The following EYA4 variants were observed in gnomAD, a reference collection of about 807,000 sequenced individuals.
EYA4 encodes protein phosphatase EYA4.
A neutral mutation model predicts 87.9 loss-of-function variants in EYA4; 31 were observed. The observed-to-expected ratio is 0.35, with a 90% CI of 0.27 to 0.48. EYA4 has a LOEUF of 0.48. EYA4 is among the 20% of genes least tolerant of loss of function. EYA4 has a pLI of 0.99. For missense variants in EYA4, 678 were observed against 761.4 expected (o/e 0.89, Z 1.29); for synonymous variants, 263 against 270.6 (o/e 0.97, Z 0.28).
intron 1 of EYA4, among the ~76,000 whole-genome samples, chr6:133,262,537 T>G (rs989018167): frequency 1.3e-5 from 2 of 152,228 alleles, no homozygotes; most frequent in African/African-American, 2.4e-5. Flanking sequence ...TTCTAGGCTA[T>G]CTAGGCAACC....
chr6:133,346,166 T>TTAG (rs574826928), intron 2 of EYA4, among the ~76,000 whole-genome samples: 16 of 152,198 alleles, frequency 1.1e-4, no homozygotes, highest in Non-Finnish European at 1.9e-4. Context: ...GGTTTATACG[T>TTAG]TAGTCTTTTT....
intron 3 of EYA4, among the ~76,000 whole-genome samples, chr6:133,424,509 AC>A (rs79163156): frequency 0.06 from 8,646 of 143,564 alleles, 696 homozygotes; most frequent in African/African-American, 0.19. Flanking sequence ...GGGAGCAAAC[AC>A]CCCCCCCCCA....
At chr6:133,278,500 T>C (rs1031265222) in intron 2 of EYA4, among the ~76,000 whole-genome samples, 3 of 152,222 alleles carry the variant, frequency 2.0e-5, no homozygotes, top group Non-Finnish European at 4.4e-5. Flanking sequence ...TTCTTGCCAG[T>C]GTTCAGTAAA....
chr6:133,356,358 T>C (rs571343769), intron 2 of EYA4, among the ~76,000 whole-genome samples: 5 of 152,202 alleles, frequency 3.3e-5, no homozygotes, highest in Non-Finnish European at 7.3e-5. Flanking sequence ...GAGTAACCCA[T>C]GTGCATTATT....
At chr6:133,395,505 A>G (rs1209102936) in intron 3 of EYA4, among the ~76,000 whole-genome samples, 1 of 152,190 alleles carries the variant, frequency 6.6e-6, no homozygotes, top group Non-Finnish European at 1.5e-5. Context: ...CCCGCCTGTA[A>G]TCCCAGCACT....
At chr6:133,456,435 A>G (rs962568789) in intron 5 of EYA4, 121 bp from the exon 6 acceptor site, 4 of 777,848 alleles carry the variant, frequency 5.1e-6, no homozygotes, top group Middle Eastern at 2.4e-4. Flanking sequence ...AACTCTCTTC[A>G]TCAACTTCTC....
At chr6:133,268,832 G>A (rs1776444251) in intron 1 of EYA4, among the ~76,000 whole-genome samples, 1 of 152,058 alleles carries the variant, frequency 6.6e-6, no homozygotes, top group East Asian at 1.9e-4. Flanking sequence ...GAGGAAGGTG[G>A]GCGTGTGAGC....
chr6:133,285,765 T>C (rs1778007799), intron 2 of EYA4, among the ~76,000 whole-genome samples: 1 of 152,194 alleles, frequency 6.6e-6, no homozygotes, highest in Non-Finnish European at 1.5e-5. Flanking sequence ...TTGGGGTTAA[T>C]CTAAGATGAC....
At chr6:133,406,037 CCTACCTAT>C (rs1788677926) in intron 3 of EYA4, among the ~76,000 whole-genome samples, 1 of 152,058 alleles carries the variant, frequency 6.6e-6, no homozygotes, top group Non-Finnish European at 1.5e-5. Flanking sequence ...TACCTACCTA[CCTACCTAT>C]CTTCTATCTA....
chr6:133,460,332 C>G (rs2128652762), intron 6 of EYA4, among the ~76,000 whole-genome samples: 1 of 149,778 alleles, frequency 6.7e-6, no homozygotes, highest in Admixed American at 6.6e-5. Flanking sequence ...TGCAAAACAT[C>G]TGTCTTAGTC....
intron 3 of EYA4, among the ~76,000 whole-genome samples, chr6:133,440,766 C>G (rs763347434): frequency 6.6e-6 from 1 of 152,134 alleles, no homozygotes; most frequent in Non-Finnish European, 1.5e-5. Flanking sequence ...TAGGTGATTA[C>G]TTGAAGATAA....
At chr6:133,361,034 G>A (rs1784410789) in intron 2 of EYA4, among the ~76,000 whole-genome samples, 1 of 152,206 alleles carries the variant, frequency 6.6e-6, no homozygotes, top group South Asian at 2.1e-4. Flanking sequence ...ATTTCTGTAT[G>A]TGTTATGAGT....
intron 2 of EYA4, among the ~76,000 whole-genome samples, chr6:133,380,799 C>A (rs1048512265): frequency 6.6e-6 from 1 of 151,512 alleles, no homozygotes; most frequent in Non-Finnish European, 1.5e-5. Context: ...TTCTCCCTCC[C>A]CACCCTTTCC....
chr6:133,389,021 C>T (rs1238121914), intron 3 of EYA4, among the ~76,000 whole-genome samples: 1 of 152,178 alleles, frequency 6.6e-6, no homozygotes, highest in Non-Finnish European at 1.5e-5. Flanking sequence ...TCCACAGAGG[C>T]TGGGACTCTC....
At chr6:133,469,642 C>A (rs563455687) in intron 11 of EYA4, among the ~76,000 whole-genome samples, 1 of 151,704 alleles carries the variant, frequency 6.6e-6, no homozygotes, top group Non-Finnish European at 1.5e-5. Context: ...AATTGGACAT[C>A]TATATGCAAA....
chr6:133,283,763 T>TAAC (rs1397624858), intron 2 of EYA4, among the ~76,000 whole-genome samples: 3 of 152,216 alleles, frequency 2.0e-5, no homozygotes, highest in Non-Finnish European at 2.9e-5. Flanking sequence ...GCTTTCAGTG[T>TAAC]AACCATCATT....
rs546411962 is a variant in EYA4 at position 133,282,666 on chromosome 6, C to T, written c.33+7853C>T. On this transcript the variant is annotated intron_variant, in intron 2 of 19. Coordinates refer to ENST00000355286, the MANE Select transcript of EYA4 (RefSeq NM_004100.5). ...GTGATTCTATGTCATTTGCCAAGAT[C>T]TGGAGACTAAATATTACGTTTTCTT... 4.4e-4 allele frequency among the ~76,000 whole-genome samples: 67 copies of T among 152,208 alleles called. No individual in the cohort carries two copies. In the Middle Eastern group the frequency reaches 0.014, roughly 31 times the overall value.
At chr6:133,459,439 G>A (rs894478464) in intron 6 of EYA4, among the ~76,000 whole-genome samples, 2 of 152,034 alleles carry the variant, frequency 1.3e-5, no homozygotes, top group African/African-American at 4.8e-5. Flanking sequence ...TTATCTTCAT[G>A]ATTCAGCGTC....
At chr6:133,342,605 A>ATAT (rs1485897156) in intron 2 of EYA4, among the ~76,000 whole-genome samples, 3 of 130,428 alleles carry the variant, frequency 2.3e-5, no homozygotes, top group African/African-American at 9.8e-5. Context: ...ATATATATAT[A>ATAT]ATTCTTTATA....
Sources: gnomAD v4.1 joint callset for allele counts (sites outside exome capture counted in the v4.1 genomes callset) on GRCh38, gnomAD v4.1.1 for gene constraint, MANE v1.5 for transcripts, NCBI Gene and HGNC (gene_info 2026-07-23, HGNC 2026-07-21) for gene names.